DGLUCY: variants seen among roughly 807,000 people sequenced by gnomAD.
DGLUCY encodes the protein D-glutamate cyclase, mitochondrial.
DGLUCY carries 58 observed loss-of-function variants against 58.5 expected under a neutral mutation model. The ratio of observed to expected loss-of-function variants is 0.99; its 90% CI spans 0.80 to 1.23. The LOEUF is 1.23. Ranked by LOEUF, DGLUCY falls within the 50% of genes most tolerant of loss-of-function variation. The probability of loss-of-function intolerance (pLI) is 0.00; values close to 1 mark genes in which losing one functional copy is unlikely to be tolerated. For synonymous variants in DGLUCY, 325 were observed against 314.1 expected (o/e 1.03, Z -0.37); for missense variants, 779 against 784.7 (o/e 0.99, Z 0.09).
intron 1 of DGLUCY, among the ~76,000 whole-genome samples, chr14:91,097,907 A>G (rs946761594): frequency 6.6e-6 from 1 of 152,204 alleles, no homozygotes; most frequent in African/African-American, 2.4e-5. Context: ...TGTCACTTGT[A>G]TCCAGTGGTG....
In DGLUCY at chr14:91,225,026, C is replaced by G; in HGVS notation, c.*193C>G. 1 of 516,140 alleles carries G rather than the reference C, an allele frequency of 1.9e-6. No homozygotes were observed. The highest frequency in any genetic ancestry group is 3.2e-6 in the Non-Finnish European group (1 of 314,432). The allele number at this position is 516,140 out of a possible 1,614,324, so 32.0% of individuals were successfully genotyped here. A position where few individuals can be genotyped will look rare whatever the true frequency, so the allele number is the denominator to read the frequency against. ...TGCAGGTGCTGTGGACAAAGGACAA[C>G]ATTTCTCTGGGGCTTTTTAACTTTT... On this transcript the variant is annotated 3_prime_UTR_variant, in exon 14 of 14. Transcript: ENST00000256324.
upstream of DGLUCY, among the ~76,000 whole-genome samples, chr14:91,109,566 T>C (rs1436383196): frequency 6.6e-6 from 1 of 152,172 alleles, no homozygotes; most frequent in Non-Finnish European, 1.5e-5. Context: ...GGTAATTCCC[T>C]GAGGCAGAAG....
chr14:91,177,134 G>A (rs1431244723), intron 7 of DGLUCY, among the ~76,000 whole-genome samples: 2 of 152,020 alleles, frequency 1.3e-5, no homozygotes, highest in East Asian at 3.9e-4. Flanking sequence ...AGGTAGCTGG[G>A]ACTACAGGCA....
intron 8 of DGLUCY, among the ~76,000 whole-genome samples, chr14:91,188,497 C>G (rs867398728): frequency 6.6e-6 from 1 of 152,148 alleles, no homozygotes; most frequent in Non-Finnish European, 1.5e-5. Context: ...ACTAAAAACC[C>G]AAACTACTCT....
In DGLUCY at chr14:91,084,206, T is replaced by C. The variant is rs569615317; in HGVS notation, c.-82+23502T>C. ...TCTCTCCACCATCATCTGTCTCTCT[T>C]TTTTTTTTTTTTTTTGAGATGGAGT... is the stretch of plus-strand genomic sequence containing the variant. On this transcript the variant is annotated intron_variant, in intron 1 of 4. Coordinates refer to the DGLUCY transcript ENST00000521334. Among the ~76,000 whole-genome samples, 133 of 94,598 alleles carry C rather than the reference T, an allele frequency of 1.4e-3. No homozygotes were observed. In the East Asian group the frequency reaches 0.029, roughly 20 times the overall value. The allele number at this position is 94,598 out of a possible 152,430, so 62.1% of individuals were successfully genotyped here. A position where few individuals can be genotyped will look rare whatever the true frequency, so the allele number is the denominator to read the frequency against.
chr14:91,107,002 C>G (rs530324659), upstream of DGLUCY, among the ~76,000 whole-genome samples: 1 of 152,220 alleles, frequency 6.6e-6, no homozygotes. Flanking sequence ...TTGAGTGAAT[C>G]AAGATTCTCT....
chr14:91,091,150 A>G (rs1194324114), intron 1 of DGLUCY: 1 of 152,186 alleles, frequency 6.6e-6, no homozygotes, highest in East Asian at 1.9e-4. Context: ...ATAAAAATAC[A>G]ATACAATACC....
intron 7 of DGLUCY, among the ~76,000 whole-genome samples, chr14:91,178,756 T>C (rs751030452): frequency 6.6e-6 from 1 of 152,184 alleles, no homozygotes; most frequent in Non-Finnish European, 1.5e-5. Context: ...TTAAGCCAAG[T>C]GTGGTGGCTT....
At chr14:91,105,039 G>A (rs1398833998), upstream of DGLUCY, among the ~76,000 whole-genome samples, 1 of 152,156 alleles carries the variant, frequency 6.6e-6, no homozygotes, top group African/African-American at 2.4e-5. Context: ...TACTGGCTGG[G>A]CATTGTAGCT....
At chr14:91,160,933 A>G (rs959256000) in intron 3 of DGLUCY, among the ~76,000 whole-genome samples, 1 of 152,248 alleles carries the variant, frequency 6.6e-6, no homozygotes, top group African/African-American at 2.4e-5. Flanking sequence ...TGGTTATGGT[A>G]TAAGTGCCCA....
At chr14:91,220,636 C>T (rs544741412) in intron 13 of DGLUCY, 200 of 456,260 alleles carry the variant, frequency 4.4e-4, no homozygotes, top group African/African-American at 3.4e-3. Context: ...CAGATGGAGC[C>T]GTTTCTCCCG....
chr14:91,206,864 G>T (rs1257804201), intron 12 of DGLUCY, among the ~76,000 whole-genome samples: 2 of 152,062 alleles, frequency 1.3e-5, no homozygotes, highest in Admixed American at 1.3e-4. Context: ...ATATAATAAA[G>T]TCTTCACTGC....
intron 1 of DGLUCY, among the ~76,000 whole-genome samples, chr14:91,083,682 C>T (rs192452478): frequency 7.2e-4 from 109 of 152,148 alleles, no homozygotes; most frequent in African/African-American, 2.6e-3. Context: ...GCTTTTGTGT[C>T]AACTTGAGAA....
At chr14:91,135,740 A>G (rs542319612) in intron 1 of DGLUCY, among the ~76,000 whole-genome samples, 2 of 148,108 alleles carry the variant, frequency 1.4e-5, no homozygotes, top group East Asian at 2.0e-4. Context: ...ATCAACTTCT[A>G]GTTCAAATTA....
intron 2 of DGLUCY, among the ~76,000 whole-genome samples, chr14:91,159,987 T>C (rs1422950802): frequency 6.6e-6 from 1 of 152,056 alleles, no homozygotes; most frequent in Non-Finnish European, 1.5e-5. Context: ...TGGAGAAGAC[T>C]CTGCAGCTCC....
intron 13 of DGLUCY, chr14:91,220,338 A>G (rs1567018843): frequency 1.8e-5 from 7 of 378,596 alleles, no homozygotes; most frequent in South Asian, 1.2e-4. Flanking sequence ...CACCTGGCAT[A>G]GTATCTGGCA....
chr14:91,198,833 A>G (rs1319755163), intron 10 of DGLUCY, among the ~76,000 whole-genome samples: 2 of 152,016 alleles, frequency 1.3e-5, no homozygotes, highest in Non-Finnish European at 2.9e-5. Flanking sequence ...ATGTCACCCT[A>G]CAGATGCAGA....
At chr14:91,175,738 C>A (rs2048817643) in intron 6 of DGLUCY, 196 bp from the exon 7 acceptor site, 1 of 512,600 alleles carries the variant, frequency 2.0e-6, no homozygotes, top group Non-Finnish European at 3.5e-6. Context: ...CACCATGCCA[C>A]ATGGACTGTA....
intron 1 of DGLUCY, among the ~76,000 whole-genome samples, chr14:91,091,705 C>T (rs887232168): frequency 6.6e-6 from 1 of 152,086 alleles, no homozygotes; most frequent in Non-Finnish European, 1.5e-5. Context: ...GTATAGAGGG[C>T]AAAGACGCCC....
Sources: allele counts gnomAD v4.1 joint callset (sites outside exome capture counted in the v4.1 genomes callset), GRCh38; gene constraint gnomAD v4.1.1; transcripts MANE v1.5; gene names NCBI Gene and HGNC (gene_info 2026-07-23, HGNC 2026-07-21).